Variants in HECTD4 observed in about 807,000 individuals in gnomAD.
HECTD4 encodes HECT domain E3 ubiquitin protein ligase 4, also known as probable E3 ubiquitin-protein ligase HECTD4.
Under a neutral mutation model 471.5 loss-of-function variants are expected in HECTD4, and 114 were observed. The observed-to-expected ratio is 0.24, with a 90% confidence interval of 0.21 to 0.28. HECTD4 has a LOEUF of 0.28. Among genes scored for constraint, HECTD4 ranks in the 10% least tolerant of loss-of-function variants. HECTD4 has a pLI of 1.00. For missense variants in HECTD4, 3,866 were observed against 5,651.5 expected, an observed-to-expected ratio of 0.68 and a Z score of 10.13; for synonymous variants, 2,012 against 2,256.0, an observed-to-expected ratio of 0.89 and a Z score of 3.07.
chr12:112,292,945 C>T (rs1409894055), intron 7 of HECTD4, among the ~76,000 whole-genome samples: 1 of 150,102 alleles, frequency 6.7e-6, no homozygotes, highest in Non-Finnish European at 1.5e-5. Flanking sequence ...TTGCTTGAAC[C>T]CAGGAGGCGG....
At chr12:112,262,973 A>T (rs1489347600) in intron 17 of HECTD4, among the ~76,000 whole-genome samples, 3 of 152,132 alleles carry the variant, frequency 2.0e-5, no homozygotes, top group Non-Finnish European at 4.4e-5. Flanking sequence ...ACTCTGAACT[A>T]ATGATGAGCC....
At chr12:112,344,433 C>T (rs1379873422) in intron 1 of HECTD4, among the ~76,000 whole-genome samples, 1 of 152,112 alleles carries the variant, frequency 6.6e-6, no homozygotes, top group Non-Finnish European at 1.5e-5. Context: ...CTATAAGAAA[C>T]TAAACAAGCC....
At chr12:112,217,300 TACACAC>T (rs138913540) in intron 45 of HECTD4, 105 bp from the exon 46 acceptor site, 4 of 603,700 alleles carry the variant, frequency 6.6e-6, no homozygotes, top group South Asian at 6.6e-5. Context: ...AATATAGGCA[TACACAC>T]ACACACACAC....
In HECTD4 at chr12:112,235,534, A is replaced by G. The variant is rs1296230376; in HGVS notation, c.5695T>C (p.Leu1899=). 1.9e-6 allele frequency: 3 copies of G among 1,612,728 alleles called. No homozygotes were observed. The highest frequency in any genetic ancestry group is 1.7e-6 in the Non-Finnish European group (2 of 1,179,188). ...DPASKIASLL[L]AKLADYVVPG... ...ACCACATAATCTGCCAGCTTTGCTA[A>G]GAGCAGGGAGGCGATCTTGGAAGCT... Residue 1899 remains leucine, a synonymous_variant, in exon 36 of 76, where the codon TTA becomes CTA. Coordinates refer to ENST00000682272, the MANE Select transcript of HECTD4 (RefSeq NM_001388303.1). This position sits in a 1 kb window ranked among gnomAD's most constrained non-coding sequence, Gnocchi z 5.0.
chr12:112,272,089 C>A (rs746323674), intron 11 of HECTD4, among the ~76,000 whole-genome samples: 9 of 151,872 alleles, frequency 5.9e-5, no homozygotes, highest in Non-Finnish European at 1.2e-4. Context: ...TAAGTTGTTG[C>A]CCAGGCTGGG....
chr12:112,353,024 T>C (rs1024186445), intron 1 of HECTD4, among the ~76,000 whole-genome samples: 3 of 152,248 alleles, frequency 2.0e-5, no homozygotes, highest in African/African-American at 7.2e-5. Flanking sequence ...AGAAGCATCA[T>C]TGATTTCCTG....
chr12:112,195,480 C>T (rs761194264), intron 55 of HECTD4, among the ~76,000 whole-genome samples: 3 of 152,160 alleles, frequency 2.0e-5, no homozygotes, highest in African/African-American at 7.2e-5. Flanking sequence ...CTTGAAACAT[C>T]ATGTTCTCAG....
chr12:112,238,600 T>C (rs1008886900), intron 34 of HECTD4, among the ~76,000 whole-genome samples: 2 of 152,034 alleles, frequency 1.3e-5, no homozygotes. Flanking sequence ...GCATGGTGAG[T>C]GCGCCTATAG....
intron 1 of HECTD4, among the ~76,000 whole-genome samples, chr12:112,376,584 A>T (rs891712912): frequency 2.2e-4 from 33 of 152,162 alleles, no homozygotes; most frequent in Non-Finnish European, 3.7e-4. Flanking sequence ...TAAGATCCAA[A>T]GCCCTCACCT....
intron 7 of HECTD4, among the ~76,000 whole-genome samples, chr12:112,286,516 C>CACACACACACACAT (rs1277401139): frequency 6.6e-6 from 1 of 151,620 alleles, no homozygotes; most frequent in Non-Finnish European, 1.5e-5. Context: ...CTGTCTCAAA[C>CACACACACACACAT]ACACACACAC....
chr12:112,326,054 G>A (rs1052664385), intron 1 of HECTD4, among the ~76,000 whole-genome samples: 3 of 152,246 alleles, frequency 2.0e-5, no homozygotes, highest in Non-Finnish European at 2.9e-5. Context: ...CTCCCAAAGT[G>A]ATGGGATTGC....
At chr12:112,297,644 G>A (rs2035070222) in intron 7 of HECTD4, among the ~76,000 whole-genome samples, 1 of 152,018 alleles carries the variant, frequency 6.6e-6, no homozygotes, top group South Asian at 2.1e-4. Context: ...TAAAGATTTT[G>A]GAAGGAGCAA....
intron 43 of HECTD4, among the ~76,000 whole-genome samples, chr12:112,227,045 C>T (rs1385865198): frequency 6.6e-6 from 1 of 152,212 alleles, no homozygotes; most frequent in Non-Finnish European, 1.5e-5. Context: ...GAAATCAGCA[C>T]TGTCTCTTAA....
chr12:112,237,383 C>T (rs75372166), intron 34 of HECTD4, among the ~76,000 whole-genome samples: 141 of 152,216 alleles, frequency 9.3e-4, no homozygotes, highest in East Asian at 3.3e-3. Context: ...ATTACTTCAC[C>T]GGTGATGAAA....
intron 29 of HECTD4, among the ~76,000 whole-genome samples, chr12:112,244,962 T>C (rs2033725813): frequency 6.6e-6 from 1 of 152,070 alleles, no homozygotes; most frequent in African/African-American, 2.4e-5. Context: ...GTTGAGAAAG[T>C]GCAGGAAAAA....
At position 112,190,134 on chromosome 12, in the gene HECTD4, C is replaced by A. The variant is rs535019348; in HGVS notation, c.9472+652G>T. ...AAGCCTGAAGAAATTATACAGTAAA[C>A]ACCTGTGCACTTACCAGCTAGATTC... On this transcript the variant is annotated intron_variant, in intron 60 of 75. Transcript: ENST00000682272. 3.9e-5 allele frequency among the ~76,000 whole-genome samples: 6 copies of A among 152,316 alleles called. No individual in the cohort carries two copies. The South Asian group carries it at 1.0e-3, about 26-fold the overall frequency.
At chr12:112,304,434 A>G (rs1018043322) in intron 7 of HECTD4, among the ~76,000 whole-genome samples, 1 of 151,472 alleles carries the variant, frequency 6.6e-6, no homozygotes, top group Admixed American at 6.6e-5. Context: ...TAATTTTTGT[A>G]TTTTTTTGCA....
At position 112,235,781 on chromosome 12, in the gene HECTD4, G is replaced by A; in HGVS notation, c.5448C>T (p.Ser1816=). 1 of 1,607,650 alleles carries A rather than the reference G, an allele frequency of 6.2e-7. No individual in the cohort carries two copies. The highest frequency in any genetic ancestry group is 8.5e-7 in the Non-Finnish European group (1 of 1,177,470). ...GGCTCAGGATGGCTTTACCTATGTG[G>A]CTCCTGGGAAAAAAGGAAGAAAAGG... is the stretch of plus-strand genomic sequence containing the variant. ...VLSLLNDLSR[S]HIGKAILSQP... Residue 1816 remains serine (S), a synonymous_variant, in exon 36 of 76, where the codon AGC becomes AGT. Transcript: ENST00000682272. This position sits in a 1 kb window ranked among gnomAD's most constrained non-coding sequence, Gnocchi z 5.0.
rs1242960106 is a variant in HECTD4, at chr12:112,252,463, A to G, written c.3513T>C (p.Asp1171=). The G allele has an allele frequency of 1.2e-6, 2 of 1,612,576 alleles. No individual in the cohort carries two copies. Among genetic ancestry groups the G allele is most frequent in the Non-Finnish European group, 8.5e-7 (1 of 1,179,336 alleles). Residue 1171 remains aspartate, a synonymous_variant, in exon 23 of 76, where the codon GAT becomes GAC. Transcript: ENST00000682272. ...TGCAAGCAAAGCCCCACATGGCTTTATCAGGAGTGTTGTGTTCACGGCCAC... is the reference window on the plus strand; with the variant it reads ...TGCAAGCAAAGCCCCACATGGCTTTGTCAGGAGTGTTGTGTTCACGGCCAC... ...MRSGREHNTP[D]KAMWGFACTV...
Sources: allele counts gnomAD v4.1 joint callset (sites outside exome capture counted in the v4.1 genomes callset), GRCh38; gene constraint gnomAD v4.1.1; non-coding constraint Gnocchi (gnomAD v3.1); transcripts MANE v1.5; gene names NCBI Gene and HGNC (gene_info 2026-07-23, HGNC 2026-07-21).